Variants in KAZN observed in about 807,000 individuals in gnomAD.
KAZN encodes the protein kazrin, periplakin interacting protein, also known as kazrin.
KAZN carries 40 observed loss-of-function variants against 87.4 expected under a neutral mutation model. The observed-to-expected ratio is 0.46, with a 90% CI of 0.36 to 0.60. The LOEUF (loss-of-function observed/expected upper bound fraction) is 0.60. Among genes scored for constraint, KAZN ranks in the 20% least tolerant of loss-of-function variants. The pLI, the probability that KAZN is intolerant of heterozygous loss-of-function variation, is 0.00. For synonymous variants in KAZN, 466 were observed against 458.3 expected (o/e 1.02, Z -0.22); for missense variants, 898 against 1,073.9 (o/e 0.84, Z 2.29).
rs200974348 is a variant in KAZN at position 13,927,143 on chromosome 1, C to T, written c.91+33387C>T. ...GACCCAATTTCCGTGTTCTATAAAG[C>T]CCTTTCAGAAATCTTTTAAGATCAT... On this transcript the variant is annotated intron_variant, in intron 1 of 16. Transcript: ENST00000636203. 2.6e-5 allele frequency among the ~76,000 whole-genome samples: 4 copies of T among 152,264 alleles called. No homozygotes were observed. The East Asian group carries it at 7.7e-4, about 29-fold the overall frequency.
intron 13 of KAZN, among the ~76,000 whole-genome samples, chr1:15,111,374 T>G (rs1483452434): frequency 6.6e-6 from 1 of 152,174 alleles, no homozygotes; most frequent in South Asian, 2.1e-4. Flanking sequence ...GTTCAAGTGA[T>G]TCTCCTGAGG....
At chr1:14,519,465 G>C (rs889099295) in intron 2 of KAZN, among the ~76,000 whole-genome samples, 2 of 152,196 alleles carry the variant, frequency 1.3e-5, no homozygotes, top group Non-Finnish European at 2.9e-5. Flanking sequence ...CTGAGCGGCA[G>C]ATACTACCCT....
chr1:15,056,895 G>A lies in KAZN; in HGVS notation c.916+615G>A, dbSNP rs1012112233. On this transcript the variant is annotated intron_variant, in intron 5 of 14. Transcript: ENST00000376030. This position sits in a 1 kb window ranked among gnomAD's most constrained non-coding sequence, Gnocchi z 5.4. Reference sequence around the variant, plus strand: ...CAAACTTCTCGCTGTCCTGTTGCACGTCTGCAGGCCACCTTGCTCTGTTCT... The same window carrying A: ...CAAACTTCTCGCTGTCCTGTTGCACATCTGCAGGCCACCTTGCTCTGTTCT... Among the ~76,000 whole-genome samples the A allele has an allele frequency of 7.9e-5, 12 of 152,374 alleles. No homozygotes were observed. Among genetic ancestry groups the A allele is most frequent in the African/African-American group, 1.4e-4 (6 of 41,590 alleles).
intron 2 of KAZN, among the ~76,000 whole-genome samples, chr1:14,268,983 G>C (rs1025555490): frequency 3.9e-5 from 6 of 152,182 alleles, no homozygotes; most frequent in African/African-American, 1.2e-4. Flanking sequence ...CTTTCAATAT[G>C]TTTGAGTACA....
intron 2 of KAZN, among the ~76,000 whole-genome samples, chr1:14,336,026 G>A (rs1657242706): frequency 6.6e-6 from 1 of 152,236 alleles, no homozygotes; most frequent in African/African-American, 2.4e-5. Context: ...GCAGAGGAGA[G>A]GGAAGTGCTG....
chr1:14,787,230 G>A (rs750365843), intron 1 of KAZN, among the ~76,000 whole-genome samples: 1 of 152,212 alleles, frequency 6.6e-6, no homozygotes, highest in Non-Finnish European at 1.5e-5. Flanking sequence ...ATGTGCTGAA[G>A]AGTGGAAGTA....
intron 1 of KAZN, among the ~76,000 whole-genome samples, chr1:13,926,409 C>T (rs1368707204): frequency 1.3e-5 from 2 of 152,118 alleles, no homozygotes; most frequent in African/African-American, 2.4e-5. Flanking sequence ...TTTTCGAATT[C>T]CATGTTTAGG....
At chr1:14,905,090 G>C (rs184214341) in intron 1 of KAZN, among the ~76,000 whole-genome samples, 5 of 152,024 alleles carry the variant, frequency 3.3e-5, no homozygotes, top group African/African-American at 1.2e-4. Context: ...ACAGAGTCTC[G>C]CTCCTTCGCC....
intron 2 of KAZN, among the ~76,000 whole-genome samples, chr1:15,016,672 C>T (rs766340528): frequency 4.6e-5 from 7 of 152,170 alleles, no homozygotes; most frequent in Non-Finnish European, 1.0e-4. Context: ...TTCCCACTTC[C>T]CTGCAGGGAA....
intron 1 of KAZN, among the ~76,000 whole-genome samples, chr1:13,965,086 A>T (rs1641895871): frequency 6.6e-6 from 1 of 152,154 alleles, no homozygotes; most frequent in African/African-American, 2.4e-5. Context: ...AGGGGAGGAC[A>T]GAGAGGCCAC....
At chr1:14,792,451 G>T (rs545614734) in intron 1 of KAZN, among the ~76,000 whole-genome samples, 2 of 152,228 alleles carry the variant, frequency 1.3e-5, no homozygotes, top group African/African-American at 4.8e-5. Context: ...AATCCCAGTG[G>T]CAGTACAAGG....
At chr1:14,387,619 G>C (rs28811110) in intron 2 of KAZN, among the ~76,000 whole-genome samples, 16,787 of 152,172 alleles carry the variant, frequency 0.11, 1,113 homozygotes, top group East Asian at 0.23. Flanking sequence ...TCCCAGTTAG[G>C]CTGCTCGGGG....
At chr1:13,982,039 C>T (rs1395165877) in intron 1 of KAZN, among the ~76,000 whole-genome samples, 2 of 152,176 alleles carry the variant, frequency 1.3e-5, no homozygotes, top group East Asian at 1.9e-4. Flanking sequence ...TGATTCCCAC[C>T]CCTCAGAGAA....
chr1:14,918,070 G>A (rs974487543), intron 1 of KAZN, among the ~76,000 whole-genome samples: 4 of 151,930 alleles, frequency 2.6e-5, no homozygotes, highest in African/African-American at 9.7e-5. Context: ...GTAGAGATGG[G>A]GTTTCACCAT....
chr1:14,060,569 C>T (rs968463809), intron 1 of KAZN, among the ~76,000 whole-genome samples: 1 of 152,010 alleles, frequency 6.6e-6, no homozygotes, highest in Admixed American at 6.6e-5. Flanking sequence ...TCTGAATTTC[C>T]CTGAGGGCAG....
intron 2 of KAZN, among the ~76,000 whole-genome samples, chr1:14,325,510 T>G (rs1656347088): frequency 6.6e-6 from 1 of 152,060 alleles, no homozygotes; most frequent in African/African-American, 2.4e-5. Context: ...CATACCAACA[T>G]GTGCATGGTA....
At chr1:13,910,065 A>T (rs1487187789) in intron 1 of KAZN, among the ~76,000 whole-genome samples, 1 of 152,174 alleles carries the variant, frequency 6.6e-6, no homozygotes, top group Admixed American at 6.5e-5. Context: ...TCCCCATCCA[A>T]ATCTCATGTT....
intron 5 of KAZN, among the ~76,000 whole-genome samples, chr1:15,059,515 C>G (rs1236548023): frequency 6.6e-6 from 1 of 152,098 alleles, no homozygotes; most frequent in East Asian, 1.9e-4. Context: ...GGCCCATGCT[C>G]TGGTGTGTAG....
intron 1 of KAZN, among the ~76,000 whole-genome samples, chr1:14,117,057 G>A (rs970936129): frequency 6.6e-6 from 1 of 152,196 alleles, no homozygotes; most frequent in Non-Finnish European, 1.5e-5. Context: ...CAGACTCATA[G>A]GTGCAAGGGA....
Sources: gnomAD v4.1 joint callset for allele counts (sites outside exome capture counted in the v4.1 genomes callset) on GRCh38, gnomAD v4.1.1 for gene constraint, Gnocchi (gnomAD v3.1) non-coding constraint, MANE v1.5 for transcripts, NCBI Gene and HGNC (gene_info 2026-07-23, HGNC 2026-07-21) for gene names.